The following GRM1 variants were observed in gnomAD, a reference collection of about 807,000 sequenced individuals.
The protein encoded by GRM1 is glutamate metabotropic receptor 1, also known as metabotropic glutamate receptor 1.
GRM1 carries 33 observed loss-of-function variants against 90.9 expected under a neutral mutation model. The observed-to-expected ratio is 0.36, with a 90% confidence interval of 0.28 to 0.49. The LOEUF (loss-of-function observed/expected upper bound fraction) is 0.49, where lower values mean the gene tolerates loss of function less well. GRM1 is among the 20% of genes least tolerant of loss of function. The pLI, the probability that GRM1 is intolerant of heterozygous loss-of-function variation, is 0.99. For synonymous variants in GRM1, 700 were observed against 613.2 expected (o/e 1.14, Z -2.09); for missense variants, 1,190 against 1,534.3 (o/e 0.78, Z 3.75).
At chr6:146,311,788 G>T (rs1783780070) in intron 3 of GRM1, among the ~76,000 whole-genome samples, 1 of 151,872 alleles carries the variant, frequency 6.6e-6, no homozygotes. Flanking sequence ...AAATACTTTT[G>T]GTTTCGTAGT....
intron 2 of GRM1, among the ~76,000 whole-genome samples, chr6:146,260,630 G>A (rs1781655006): frequency 6.6e-6 from 1 of 151,834 alleles, no homozygotes; most frequent in Non-Finnish European, 1.5e-5. Flanking sequence ...GTGTAAAAGA[G>A]ATATTTTTAA....
chr6:146,119,923 G>T (rs917353023), intron 1 of GRM1, among the ~76,000 whole-genome samples: 2 of 152,140 alleles, frequency 1.3e-5, no homozygotes, highest in African/African-American at 2.4e-5. Context: ...TGGCAATGTG[G>T]GTTCTTTTTT....
chr6:146,048,605 C>T (rs763512731), intron 1 of GRM1, among the ~76,000 whole-genome samples: 36 of 151,946 alleles, frequency 2.4e-4, no homozygotes, highest in Admixed American at 3.3e-4. Flanking sequence ...TTTGAAAATA[C>T]GAGCTTTACA....
intron 1 of GRM1, among the ~76,000 whole-genome samples, chr6:146,061,671 C>CT (rs1275560068): frequency 6.6e-6 from 1 of 151,954 alleles, no homozygotes; most frequent in Non-Finnish European, 1.5e-5. Context: ...TGAACAAACA[C>CT]TTCTCAAAAA....
chr6:146,235,067 C>T (rs1238911790), intron 2 of GRM1, among the ~76,000 whole-genome samples: 1 of 152,120 alleles, frequency 6.6e-6, no homozygotes, highest in Non-Finnish European at 1.5e-5. Context: ...TCATCATATT[C>T]CTCTGCCTAA....
intron 1 of GRM1, among the ~76,000 whole-genome samples, chr6:146,065,882 T>C (rs1775828270): frequency 6.6e-6 from 1 of 152,034 alleles, no homozygotes. Flanking sequence ...TTAGTCATGC[T>C]CCATGTGGTT....
intron 2 of GRM1, among the ~76,000 whole-genome samples, chr6:146,287,438 C>T (rs571584412): frequency 6.6e-6 from 1 of 152,298 alleles, no homozygotes; most frequent in South Asian, 2.1e-4. Context: ...ATTTCTTAAA[C>T]TAATTCAGCT....
chr6:146,311,804 A>G (rs985608471), intron 3 of GRM1, among the ~76,000 whole-genome samples: 7 of 152,114 alleles, frequency 4.6e-5, no homozygotes, highest in African/African-American at 9.7e-5. Flanking sequence ...GTAGTTTTAC[A>G]TAGCATGATA....
At position 146,029,723 on chromosome 6, in the gene GRM1, A is replaced by C. The variant is rs374804458; in HGVS notation, c.206A>C (p.Glu69Ala). ...AAAGTGCCCGAGAGGAAGTGTGGGGAGATCAGGGAGCAGTATGGCATCCAG... is the reference window on the plus strand; with the variant it reads ...AAAGTGCCCGAGAGGAAGTGTGGGGCGATCAGGGAGCAGTATGGCATCCAG... Reference protein sequence around the residue: ...AEKVPERKCGEIREQYGIQRV... With the variant: ...AEKVPERKCGAIREQYGIQRV... Residue 69 changes from glutamate to alanine, a missense_variant, in exon 1 of 8, where the codon GAG (glutamate) becomes GCG (alanine). Around this residue, in one of 10 missense-constraint regions of GRM1, gnomAD observed 25 missense variants for 65.9 expected, o/e 0.38. Transcript: ENST00000282753. 6.2e-7 allele frequency: 1 copy of C among 1,613,790 alleles called. No individual in the cohort carries two copies. Among genetic ancestry groups the C allele is most frequent in the African/African-American group, 1.3e-5 (1 of 74,816 alleles).
chr6:146,213,880 A>G (rs935473193), intron 2 of GRM1, among the ~76,000 whole-genome samples: 2 of 152,074 alleles, frequency 1.3e-5, no homozygotes, highest in African/African-American at 4.8e-5. Flanking sequence ...GAACCAGGGA[A>G]GCTGATGGTG....
chr6:146,034,092 G>A lies in GRM1; in HGVS notation c.700+3875G>A, dbSNP rs558488404. ...AACATCACATTACGTGCTTGCCCAC[G>A]CTCAAAGCTTTCTAATTGTGATTAG... is the stretch of plus-strand genomic sequence containing the variant. On this transcript the variant is annotated intron_variant, in intron 1 of 7. Coordinates refer to ENST00000282753, the MANE Select transcript of GRM1 (RefSeq NM_001278064.2). Among the ~76,000 whole-genome samples, 20 of 152,128 alleles carry A rather than the reference G, an allele frequency of 1.3e-4. No homozygotes were observed. In the South Asian group the frequency reaches 3.9e-3, roughly 30 times the overall value.
chr6:146,181,949 G>C (rs1778566795), intron 2 of GRM1, among the ~76,000 whole-genome samples: 2 of 152,112 alleles, frequency 1.3e-5, no homozygotes, highest in South Asian at 4.1e-4. Flanking sequence ...TGGAATTTTA[G>C]GGATGTAAAA....
intron 3 of GRM1, among the ~76,000 whole-genome samples, chr6:146,309,522 G>A (rs1327989053): frequency 6.6e-6 from 1 of 151,700 alleles, no homozygotes; most frequent in Non-Finnish European, 1.5e-5. Context: ...TCATCACAGT[G>A]TGCATACAAT....
intron 2 of GRM1, among the ~76,000 whole-genome samples, chr6:146,300,006 G>A (rs909818870): frequency 1.6e-4 from 24 of 152,034 alleles, no homozygotes; most frequent in East Asian, 1.3e-3. Context: ...TTCTTCAACC[G>A]TTGTGAATAT....
intron 7 of GRM1, among the ~76,000 whole-genome samples, chr6:146,431,634 A>G (rs921771344): frequency 6.6e-6 from 1 of 152,208 alleles, no homozygotes; most frequent in Admixed American, 6.5e-5. Context: ...AACTAAATAG[A>G]TACAGGATAA....
chr6:146,426,985 CTTTCT>C (rs528611267), intron 7 of GRM1, among the ~76,000 whole-genome samples: 3 of 152,038 alleles, frequency 2.0e-5, no homozygotes, highest in Admixed American at 6.5e-5. Context: ...AAACAGAGCT[CTTTCT>C]TTTCTTTTCT....
At chr6:146,172,481 G>C (rs896592909) in intron 2 of GRM1, among the ~76,000 whole-genome samples, 1 of 152,150 alleles carries the variant, frequency 6.6e-6, no homozygotes, top group Non-Finnish European at 1.5e-5. Context: ...GGACATCTTT[G>C]ACTGGCTATT....
At chr6:146,290,910 T>C (rs56172434) in intron 2 of GRM1, among the ~76,000 whole-genome samples, 3 of 152,220 alleles carry the variant, frequency 2.0e-5, no homozygotes, top group Non-Finnish European at 4.4e-5. Flanking sequence ...ATACAGTGAC[T>C]GTATTTTGAA....
intron 3 of GRM1, among the ~76,000 whole-genome samples, chr6:146,313,679 C>T (rs543904157): frequency 2.0e-5 from 3 of 152,218 alleles, no homozygotes; most frequent in South Asian, 4.1e-4. Context: ...TTACTCTTTT[C>T]TTCCTTTTTA....
Sources: gnomAD v4.1 joint callset for allele counts (sites outside exome capture counted in the v4.1 genomes callset) on GRCh38, gnomAD v4.1.1 for gene constraint, gnomAD v4.1.1 regional missense constraint, MANE v1.5 for transcripts, NCBI Gene and HGNC (gene_info 2026-07-23, HGNC 2026-07-21) for gene names.